PCDH15: variants seen among roughly 807,000 people sequenced by gnomAD.
The protein encoded by PCDH15 is protocadherin related 15, also known as protocadherin-15.
PCDH15 carries 129 observed loss-of-function variants against 178.5 expected under a neutral mutation model. The ratio of observed to expected loss-of-function variants is 0.72; its 90% CI spans 0.63 to 0.84. PCDH15 has a LOEUF of 0.84. Ranked by LOEUF, PCDH15 falls within the 40% of genes least tolerant of loss-of-function variation. The pLI, the probability that PCDH15 is intolerant of heterozygous loss-of-function variation, is 0.00. For missense variants in PCDH15, 2,230 were observed against 2,099.9 expected, an observed-to-expected ratio of 1.06 and a Z score of -1.21; for synonymous variants, 800 against 732.0, an observed-to-expected ratio of 1.09 and a Z score of -1.50.
intron 5 of PCDH15, among the ~76,000 whole-genome samples, chr10:54,356,489 A>G (rs1298170753): frequency 2.0e-5 from 3 of 151,758 alleles, no homozygotes; most frequent in Admixed American, 2.0e-4. Context: ...GTATTTATAT[A>G]TGACATATAG....
chr10:55,245,562 T>A (rs1295769191), intron 1 of PCDH15, among the ~76,000 whole-genome samples: 1 of 152,164 alleles, frequency 6.6e-6, no homozygotes, highest in East Asian at 1.9e-4. Context: ...AAATTGCTAT[T>A]CCTAGTATCT....
rs745765669 is a variant in PCDH15 at position 54,023,003 on chromosome 10, C to CA, written c.2414dup (p.Leu805PhefsTer9). ...CATCAATGTCCAAAACCTTGATGGC[C>CA]AAGGTTAGAGTTGAATGACGAGGGT... On this transcript the variant is annotated frameshift_variant, in exon 19 of 38. Transcript: ENST00000644397. LOFTEE classifies it high-confidence loss of function. 6.2e-7 allele frequency: 1 copy of CA among 1,613,848 alleles called. No homozygotes were observed. Among genetic ancestry groups the CA allele is most frequent in the South Asian group, 1.1e-5 (1 of 91,064 alleles).
At chr10:54,391,308 C>A (rs1409208791) in intron 3 of PCDH15, among the ~76,000 whole-genome samples, 1 of 152,146 alleles carries the variant, frequency 6.6e-6, no homozygotes, top group Non-Finnish European at 1.5e-5. Context: ...ATGTGAATCT[C>A]CCACCTCCAC....
chr10:54,365,355 C>A (rs546059234), intron 5 of PCDH15, among the ~76,000 whole-genome samples: 15 of 152,116 alleles, frequency 9.9e-5, no homozygotes, highest in African/African-American at 3.4e-4. Context: ...GCTCCATAAA[C>A]AATACATTTT....
At chr10:53,998,038 T>C (rs2091938075) in intron 20 of PCDH15, among the ~76,000 whole-genome samples, 1 of 152,130 alleles carries the variant, frequency 6.6e-6, no homozygotes, top group Admixed American at 6.5e-5. Flanking sequence ...CTCAGGGACA[T>C]CTGAACAAAA....
At chr10:54,685,509 T>A (rs191964049) in intron 1 of PCDH15, among the ~76,000 whole-genome samples, 27 of 152,228 alleles carry the variant, frequency 1.8e-4, no homozygotes, top group African/African-American at 6.5e-4. Flanking sequence ...GAAATAGAAA[T>A]AGAAATTTTT....
At chr10:53,967,373 G>A (rs1348954092) in intron 21 of PCDH15, among the ~76,000 whole-genome samples, 1 of 152,110 alleles carries the variant, frequency 6.6e-6, no homozygotes, top group East Asian at 1.9e-4. Context: ...GTTCTTTATA[G>A]CCATGTGAGA....
chr10:53,936,383 G>T (rs547784994), intron 25 of PCDH15, among the ~76,000 whole-genome samples: 6 of 152,016 alleles, frequency 3.9e-5, no homozygotes, highest in Admixed American at 3.9e-4. Context: ...TGTTTTAAGA[G>T]TCCTTAAGAT....
At chr10:55,388,639 G>T (rs879629862) in intron 2 of PCDH15, among the ~76,000 whole-genome samples, 2 of 152,054 alleles carry the variant, frequency 1.3e-5, no homozygotes, top group Non-Finnish European at 2.9e-5. Flanking sequence ...ATTAGAAACT[G>T]ATTAATATTA....
chr10:55,358,586 C>T (rs905975735), intron 2 of PCDH15, among the ~76,000 whole-genome samples: 1 of 152,004 alleles, frequency 6.6e-6, no homozygotes, highest in Non-Finnish European at 1.5e-5. Context: ...TAGTTGCCAC[C>T]TAAAGTAAAA....
At position 53,890,635 on chromosome 10, in the gene PCDH15, T is replaced by C. The variant is rs1479302826; in HGVS notation, c.3501+12608A>G. Among the ~76,000 whole-genome samples the C allele has an allele frequency of 2.0e-5, 3 of 152,252 alleles. No homozygotes were observed. In the East Asian group the frequency reaches 5.8e-4, roughly 29 times the overall value. ...TGAAACATTATTAAAGAGAGAATTA[T>C]CTTTATAAAAACTAGTGTAGCTACC... On this transcript the variant is annotated intron_variant, in intron 26 of 37. Coordinates refer to ENST00000644397, the MANE Select transcript of PCDH15 (RefSeq NM_001384140.1).
intron 2 of PCDH15, among the ~76,000 whole-genome samples, chr10:55,576,731 T>TAA (rs57969658): frequency 0.32 from 47,689 of 149,252 alleles, 7,926 homozygotes; most frequent in East Asian, 0.46. Flanking sequence ...AACAGATATC[T>TAA]AAAAAAAAAA....
intron 8 of PCDH15, among the ~76,000 whole-genome samples, chr10:54,292,997 C>T (rs751577788): frequency 7.9e-5 from 12 of 152,072 alleles, no homozygotes; most frequent in Non-Finnish European, 1.5e-4. Flanking sequence ...AAAAAGAGCC[C>T]GCATTGCCAA....
At chr10:55,222,846 T>A (rs140594728) in intron 1 of PCDH15, among the ~76,000 whole-genome samples, 1 of 151,234 alleles carries the variant, frequency 6.6e-6, no homozygotes, top group Non-Finnish European at 1.5e-5. Context: ...ATTCTAAAAT[T>A]TGGGCATCTT....
intron 2 of PCDH15, among the ~76,000 whole-genome samples, chr10:55,059,805 A>C: frequency 6.6e-6 from 1 of 152,138 alleles, no homozygotes; most frequent in East Asian, 1.9e-4. Context: ...CTGGACATAC[A>C]ATAAGCACCT....
intron 8 of PCDH15, among the ~76,000 whole-genome samples, chr10:54,290,033 G>A (rs1003092168): frequency 4.6e-5 from 7 of 152,092 alleles, no homozygotes; most frequent in African/African-American, 1.7e-4. Flanking sequence ...TTCAAATTCA[G>A]GAAATACAGA....
chr10:54,755,529 A>G (rs1254614467), intron 1 of PCDH15, among the ~76,000 whole-genome samples: 6 of 152,194 alleles, frequency 3.9e-5, no homozygotes, highest in Non-Finnish European at 7.3e-5. Context: ...GAATAAATTT[A>G]TTTATAATCC....
intron 32 of PCDH15, chr10:53,821,482 T>A (rs1342040601): frequency 1.1e-5 from 11 of 1,022,570 alleles, no homozygotes; most frequent in Non-Finnish European, 1.2e-5. Flanking sequence ...GGAACATTCA[T>A]ATAAAACTAC....
intron 20 of PCDH15, among the ~76,000 whole-genome samples, chr10:53,997,596 T>G (rs1028131392): frequency 6.6e-6 from 1 of 152,190 alleles, no homozygotes; most frequent in African/African-American, 2.4e-5. Flanking sequence ...TTTGGAAAAT[T>G]TGATTCTTCA....
Sources: gnomAD v4.1 joint callset for allele counts (sites outside exome capture counted in the v4.1 genomes callset) on GRCh38, gnomAD v4.1.1 for gene constraint, MANE v1.5 for transcripts, NCBI Gene and HGNC (gene_info 2026-07-23, HGNC 2026-07-21) for gene names.